Variants in TRPM3 observed in about 807,000 individuals in gnomAD.
TRPM3 encodes the protein long transient receptor potential channel 3.
Under a neutral mutation model 181.2 loss-of-function variants are expected in TRPM3, and 77 were observed. The ratio of observed to expected loss-of-function variants is 0.42; its 90% CI spans 0.35 to 0.51. The LOEUF is 0.51. Ranked by LOEUF, TRPM3 falls within the 20% of genes least tolerant of loss-of-function variation. The probability of loss-of-function intolerance (pLI) is 0.01; values close to 1 mark genes in which losing one functional copy is unlikely to be tolerated. For synonymous variants in TRPM3, 745 were observed against 796.4 expected, an observed-to-expected ratio of 0.94 and a Z score of 1.09; for missense variants, 1,759 against 2,196.7, an observed-to-expected ratio of 0.80 and a Z score of 3.98.
At chr9:70,929,133 T>G (rs894091952) in intron 1 of TRPM3, among the ~76,000 whole-genome samples, 3 of 152,152 alleles carry the variant, frequency 2.0e-5, no homozygotes, top group Non-Finnish European at 2.9e-5. Flanking sequence ...GTTTATTCAG[T>G]TGCTGGCTAA....
intron 1 of TRPM3, among the ~76,000 whole-genome samples, chr9:70,947,772 A>T (rs1003743122): frequency 6.6e-6 from 1 of 152,128 alleles, no homozygotes; most frequent in African/African-American, 2.4e-5. Context: ...GGTTGGACTT[A>T]CGTATGAGAA....
intron 8 of TRPM3, among the ~76,000 whole-genome samples, chr9:70,693,474 CTTTT>C (rs368467549): frequency 6.6e-6 from 1 of 151,302 alleles, no homozygotes; most frequent in Non-Finnish European, 1.5e-5. Context: ...ATTTTTAGCG[CTTTT>C]TTTTTGACAT....
chr9:71,230,575 C>T (rs1400311256), intron 1 of TRPM3, among the ~76,000 whole-genome samples: 1 of 152,110 alleles, frequency 6.6e-6, no homozygotes, highest in Non-Finnish European at 1.5e-5. Context: ...CCCTATACCC[C>T]ATTAATATAT....
intron 9 of TRPM3, among the ~76,000 whole-genome samples, chr9:70,681,160 T>A (rs1393380997): frequency 6.6e-6 from 1 of 152,154 alleles, no homozygotes; most frequent in East Asian, 1.9e-4. Context: ...ACATATGCCA[T>A]ATCAAATGGT....
At chr9:70,791,601 C>G (rs2085414391) in intron 6 of TRPM3, among the ~76,000 whole-genome samples, 2 of 152,174 alleles carry the variant, frequency 1.3e-5, no homozygotes, top group Admixed American at 1.3e-4. Context: ...TAACAATACT[C>G]CAGAATAACA....
At position 70,625,059 on chromosome 9, in the gene TRPM3, C is replaced by A. The variant is rs1440914667; in HGVS notation, c.1809+132G>T. ...GATTAATTTGAATTTCATTACTTTT[C>A]TTTGATTGTTTAGGTTCACTCTCAG... On this transcript the variant is annotated intron_variant, in intron 14 of 25. Transcript: ENST00000677713. The surrounding 1 kb of genome is among the most constrained non-coding windows in gnomAD (Gnocchi z 4.8). 5.0e-6 allele frequency: 5 copies of A among 992,230 alleles called. No individual in the cohort carries two copies. Among genetic ancestry groups the A allele is most frequent in the Non-Finnish European group, 7.0e-6 (5 of 711,182 alleles). The allele number at this position is 992,230 out of a possible 1,614,324, so 61.5% of individuals were successfully genotyped here. A position where few individuals can be genotyped will look rare whatever the true frequency, so the allele number is the denominator to read the frequency against.
intron 1 of TRPM3, among the ~76,000 whole-genome samples, chr9:71,251,480 T>TA (rs1027733238): frequency 6.6e-6 from 1 of 152,098 alleles, no homozygotes; most frequent in Non-Finnish European, 1.5e-5. Flanking sequence ...TTTAACTAAA[T>TA]AAAAAAATTA....
At chr9:71,166,398 C>A (rs1045270768) in intron 1 of TRPM3, among the ~76,000 whole-genome samples, 1 of 152,034 alleles carries the variant, frequency 6.6e-6, no homozygotes, top group African/African-American at 2.4e-5. Flanking sequence ...GAGCTTAGGC[C>A]TAGTCTCTCT....
At chr9:70,986,469 TATA>T (rs1469383583) in intron 1 of TRPM3, among the ~76,000 whole-genome samples, 1 of 152,220 alleles carries the variant, frequency 6.6e-6, no homozygotes, top group Non-Finnish European at 1.5e-5. Context: ...AGAACAAGTT[TATA>T]ATAATTCAGA....
intron 7 of TRPM3, among the ~76,000 whole-genome samples, chr9:70,779,457 C>T (rs891172991): frequency 1.3e-5 from 2 of 152,094 alleles, no homozygotes; most frequent in African/African-American, 4.8e-5. Context: ...CATTTGGATG[C>T]CTTTTTCACA....
At chr9:70,976,976 C>T (rs1010816621) in intron 1 of TRPM3, among the ~76,000 whole-genome samples, 1 of 152,142 alleles carries the variant, frequency 6.6e-6, no homozygotes, top group Non-Finnish European at 1.5e-5. Flanking sequence ...TGCTATTCCT[C>T]TCTCATTCTG....
chr9:71,400,937 C>T (rs1288301801), intron 1 of TRPM3, among the ~76,000 whole-genome samples: 2 of 151,966 alleles, frequency 1.3e-5, no homozygotes, highest in Non-Finnish European at 2.9e-5. Context: ...GTGGCTCATG[C>T]CTGTAATCCC....
At chr9:71,422,724 G>A (rs2093799347) in intron 1 of TRPM3, among the ~76,000 whole-genome samples, 1 of 152,004 alleles carries the variant, frequency 6.6e-6, no homozygotes, top group Non-Finnish European at 1.5e-5. Flanking sequence ...ATATCGTTAT[G>A]CTTGGTTTCT....
At chr9:70,787,763 C>CTTTTTTTTTTTTTTTTTTTTGTTT (rs2084054300) in intron 6 of TRPM3, among the ~76,000 whole-genome samples, 18 of 68,558 alleles carry the variant, frequency 2.6e-4, no homozygotes, top group African/African-American at 2.9e-4. Context: ...TTTTTGGATT[C>CTTTTTTTTTTTTTTTTTTTTGTTT]TTTTTTTTTT....
In TRPM3 at chr9:71,034,753, AT is replaced by A. The variant is rs201429802; in HGVS notation, c.177+86424del. On this transcript the variant is annotated intron_variant, in intron 1 of 25. Transcript: ENST00000677713. ...AATGCTACCAATTGGGGTCTTTACT[AT>A]TTTTTTTTTTTTAGAGAGAGATGTT... Among the ~76,000 whole-genome samples, 395 of 136,298 alleles carry A rather than the reference AT, an allele frequency of 2.9e-3. 1 individual carries two copies. Among genetic ancestry groups the A allele is most frequent in the Middle Eastern group, 7.8e-3 (2 of 256 alleles). 89.4% of individuals were successfully genotyped at this position (136,298 alleles called of 152,430 possible).
At chr9:71,235,079 C>T (rs192843994) in intron 1 of TRPM3, among the ~76,000 whole-genome samples, 2 of 152,368 alleles carry the variant, frequency 1.3e-5, no homozygotes, top group East Asian at 3.9e-4. Context: ...CATGCCACTC[C>T]ACCTGCTGGC....
chr9:71,020,602 C>G (rs1210649540), intron 1 of TRPM3, among the ~76,000 whole-genome samples: 1 of 151,992 alleles, frequency 6.6e-6, no homozygotes, highest in Non-Finnish European at 1.5e-5. Context: ...ATACAAAGAA[C>G]TAGCTGGAAA....
At chr9:70,897,179 T>C (rs1433058437) in intron 1 of TRPM3, among the ~76,000 whole-genome samples, 3 of 133,606 alleles carry the variant, frequency 2.2e-5, no homozygotes, top group Non-Finnish European at 4.9e-5. Flanking sequence ...TACAGAAGAC[T>C]AGAACTTATT....
rs1301360485 is a variant in TRPM3 at position 70,615,895 on chromosome 9, A to G, written c.2526+13T>C. On this transcript the variant is annotated intron_variant, in intron 18 of 25. Transcript: ENST00000677713. ...TTCTGCCCATAGAGAATAACTGTGC[A>G]ATGTTTTCTTACTGTGAGCTCCATG... is the stretch of plus-strand genomic sequence containing the variant. 3 of 1,593,642 alleles carry G rather than the reference A, an allele frequency of 1.9e-6. No individual in the cohort carries two copies.
Sources: allele counts gnomAD v4.1 joint callset (sites outside exome capture counted in the v4.1 genomes callset), GRCh38; gene constraint gnomAD v4.1.1; non-coding constraint Gnocchi (gnomAD v3.1); transcripts MANE v1.5; gene names NCBI Gene and HGNC (gene_info 2026-07-23, HGNC 2026-07-21).